The following GRIP2 variants were observed in gnomAD, a reference collection of about 807,000 sequenced individuals.
GRIP2 encodes glutamate receptor-interacting protein 2.
In GRIP2, 58 loss-of-function variants were observed where a neutral mutation model predicts 108.3. The observed-to-expected ratio is 0.54, with a 90% CI of 0.43 to 0.67. The LOEUF (loss-of-function observed/expected upper bound fraction) is 0.67, where lower values mean the gene tolerates loss of function less well. GRIP2 is among the 30% of genes least tolerant of loss of function. GRIP2 has a pLI of 0.00. For missense variants in GRIP2, 1,278 were observed against 1,430.6 expected, an observed-to-expected ratio of 0.89 and a Z score of 1.72; for synonymous variants, 586 against 598.2, an observed-to-expected ratio of 0.98 and a Z score of 0.30.
chr3:14,578,847 G>GT, the GRIP2 span, among the ~76,000 whole-genome samples: 114,130 of 147,362 alleles, frequency 0.77, 44,388 homozygotes, highest in South Asian at 0.91. Context: ...CAGGCCAGCT[G>GT]TTTTTTTTTT....
the GRIP2 span, among the ~76,000 whole-genome samples, chr3:14,568,017 C>G: frequency 6.6e-6 from 1 of 152,104 alleles, no homozygotes; most frequent in South Asian, 2.1e-4. Flanking sequence ...GGTTTGAGGC[C>G]CAGCAAGGAG....
chr3:14,500,507 T>C (rs554236798), intron 21 of GRIP2, among the ~76,000 whole-genome samples: 1 of 152,252 alleles, frequency 6.6e-6, no homozygotes, highest in South Asian at 2.1e-4. Context: ...GACACAGGAC[T>C]TTCAAAGGAA....
At chr3:14,525,718 G>T in intron 2 of GRIP2, 133 bp downstream of exon 2, 2 of 1,306,856 alleles carry the variant, frequency 1.5e-6, no homozygotes, top group Admixed American at 1.9e-5. Flanking sequence ...TTACAGAGGA[G>T]AATCAGAGAG....
At chr3:14,532,365 A>T (rs1694731116) in intron 1 of GRIP2, among the ~76,000 whole-genome samples, 1 of 152,124 alleles carries the variant, frequency 6.6e-6, no homozygotes, top group Admixed American at 6.5e-5. Context: ...GGCCAGCGTC[A>T]GGGCTCAGCC....
intron 21 of GRIP2, among the ~76,000 whole-genome samples, chr3:14,499,552 C>A (rs1424455736): frequency 2.1e-5 from 3 of 139,628 alleles, no homozygotes; most frequent in Non-Finnish European, 1.6e-5. Flanking sequence ...CCTGTCTCTA[C>A]CAAAAAAAAG....
intron 21 of GRIP2, among the ~76,000 whole-genome samples, chr3:14,502,645 G>A (rs548323065): frequency 1.1e-4 from 16 of 152,306 alleles, no homozygotes; most frequent in African/African-American, 3.4e-4. Context: ...AATCTGGGAT[G>A]CAGCCAAAGC....
At chr3:14,601,245 C>T in the GRIP2 span, among the ~76,000 whole-genome samples, 1,150 of 152,126 alleles carry the variant, frequency 7.6e-3, 6 homozygotes, top group African/African-American at 0.015. Context: ...GGACAGGTTG[C>T]CCCCCACCCC....
At chr3:14,530,678 A>G (rs1288211413) in intron 1 of GRIP2, among the ~76,000 whole-genome samples, 1 of 152,246 alleles carries the variant, frequency 6.6e-6, no homozygotes, top group Admixed American at 6.5e-5. Flanking sequence ...TTCCTGGTGT[A>G]AAAATATACA....
At chr3:14,526,365 T>A (rs1376637401) in intron 1 of GRIP2, among the ~76,000 whole-genome samples, 1 of 152,196 alleles carries the variant, frequency 6.6e-6, no homozygotes, top group East Asian at 1.9e-4. Context: ...GGGCTGTGCT[T>A]ACATACCTGC....
intron 1 of GRIP2, among the ~76,000 whole-genome samples, chr3:14,552,858 T>C (rs1180013595): frequency 6.6e-6 from 1 of 151,422 alleles, no homozygotes. Context: ...CTCCCAAAGT[T>C]CTGGGATTAT....
chr3:14,570,970 T>C, the GRIP2 span, among the ~76,000 whole-genome samples: 2 of 152,164 alleles, frequency 1.3e-5, no homozygotes, highest in Non-Finnish European at 2.9e-5. Flanking sequence ...CAATTCTTTG[T>C]GGTGGCGGGG....
chr3:14,568,376 T>C, the GRIP2 span, among the ~76,000 whole-genome samples: 2 of 152,116 alleles, frequency 1.3e-5, no homozygotes, highest in Non-Finnish European at 2.9e-5. Context: ...TAGTGACTCA[T>C]TATAGACACA....
At chr3:14,531,305 T>G (rs1446096049) in intron 1 of GRIP2, among the ~76,000 whole-genome samples, 2 of 152,208 alleles carry the variant, frequency 1.3e-5, no homozygotes, top group African/African-American at 2.4e-5. Flanking sequence ...CTTATCTCCT[T>G]GATACTCTCA....
At chr3:14,550,252 T>A (rs1034056251) in intron 1 of GRIP2, among the ~76,000 whole-genome samples, 1 of 152,182 alleles carries the variant, frequency 6.6e-6, no homozygotes, top group Non-Finnish European at 1.5e-5. Context: ...AGCCTTTTTA[T>A]CACCATCCTC....
At chr3:14,526,022 C>T (rs73132037) in intron 1 of GRIP2, 91 bp from the exon 2 acceptor site, 9 of 1,163,138 alleles carry the variant, frequency 7.7e-6, no homozygotes, top group Admixed American at 4.0e-5. Context: ...ACTCTGTGGA[C>T]GTGGCCTGTA....
chr3:14,510,263 T>TG lies in GRIP2; in HGVS notation c.1934-300_1934-299insC, dbSNP rs1437173093. 3.1e-4 allele frequency among the ~76,000 whole-genome samples: 45 copies of TG among 145,626 alleles called. 1 individual carries two copies. Among genetic ancestry groups the TG allele is most frequent in the Non-Finnish European group, 4.3e-4 (28 of 65,622 alleles). ...GGGAACCCCGATCATCCGTTGTTTT[T>TG]TTTTTTTTTTTTTTTTTGAGACAGA... is the stretch of plus-strand genomic sequence containing the variant. On this transcript the variant is annotated intron_variant, in intron 16 of 23. Transcript: ENST00000621039.
chr3:14,556,915 C>T (rs1358809669), upstream of GRIP2, among the ~76,000 whole-genome samples: 1 of 152,204 alleles, frequency 6.6e-6, no homozygotes, highest in African/African-American at 2.4e-5. Flanking sequence ...TTCCTGCCCT[C>T]TCTCTACCAA....
At chr3:14,549,316 A>C (rs1196762353) in intron 1 of GRIP2, among the ~76,000 whole-genome samples, 2 of 152,146 alleles carry the variant, frequency 1.3e-5, no homozygotes, top group Non-Finnish European at 2.9e-5. Context: ...TGAGCAGCCC[A>C]CCCTATTCCT....
At chr3:14,589,739 C>T in the GRIP2 span, among the ~76,000 whole-genome samples, 253 of 151,592 alleles carry the variant, frequency 1.7e-3, 4 homozygotes, top group Middle Eastern at 6.9e-3. Context: ...AGATGTCAGC[C>T]TCTACTTCCC....
Sources: gnomAD v4.1 joint callset for allele counts (sites outside exome capture counted in the v4.1 genomes callset) on GRCh38, gnomAD v4.1.1 for gene constraint, MANE v1.5 for transcripts, NCBI Gene and HGNC (gene_info 2026-07-23, HGNC 2026-07-21) for gene names.